OMA1: variants seen among roughly 807,000 people sequenced by gnomAD.
OMA1 encodes OMA1 zinc metallopeptidase.
In OMA1, 38 loss-of-function variants were observed where a neutral mutation model predicts 30.9. That is an observed-to-expected ratio of 1.23 (90% CI 0.95 to 1.61). OMA1 has a LOEUF of 1.61. Among genes scored for constraint, OMA1 ranks in the 40% most tolerant of loss-of-function variants. The pLI is 0.00. For synonymous variants in OMA1, 173 were observed against 121.9 expected, an observed-to-expected ratio of 1.42 and a Z score of -2.76; for missense variants, 461 against 349.2, an observed-to-expected ratio of 1.32 and a Z score of -2.55.
chr1:58,489,901 C>T (rs1645648327), intron 8 of OMA1, among the ~76,000 whole-genome samples: 1 of 152,180 alleles, frequency 6.6e-6, no homozygotes, highest in African/African-American at 2.4e-5. Context: ...AGAAGGAAAA[C>T]TAACAAACAG....
chr1:58,523,443 C>T (rs576450391), intron 7 of OMA1, among the ~76,000 whole-genome samples: 1 of 152,280 alleles, frequency 6.6e-6, no homozygotes, highest in Admixed American at 6.5e-5. Context: ...AACAACCTTT[C>T]CCTAAAGTAC....
chr1:58,530,611 T>G lies in OMA1; in HGVS notation c.1130A>C (p.Lys377Thr). The G allele has an allele frequency of 1.1e-6, 1 of 872,226 alleles. No homozygotes were observed. Among genetic ancestry groups the G allele is most frequent in the Non-Finnish European group, 2.0e-6 (1 of 501,230 alleles). 54.0% of individuals were successfully genotyped at this position (872,226 alleles called of 1,614,324 possible). A position where few individuals can be genotyped will look rare whatever the true frequency, so the allele number is the denominator to read the frequency against. The change falls in exon 6 of 9, where the codon AAA (lysine) becomes ACA (threonine). Residue 377 changes from lysine (K) to threonine (T), a missense_variant. Coordinates refer to ENST00000371226, the MANE Select transcript of OMA1 (RefSeq NM_145243.5). ...TTGTCTCAGACTTACCTCCTGCAAT[T>G]TAGACTGTATCCACTGGCACAAAAG... ...LALLCQWIQS[K>T]LQEYMFNRPY...
At chr1:58,530,312 G>A (rs1646415399) in intron 6 of OMA1, among the ~76,000 whole-genome samples, 1 of 152,154 alleles carries the variant, frequency 6.6e-6, no homozygotes, top group African/African-American at 2.4e-5. Context: ...CAGTGGCTGG[G>A]TTTTCTCTCT....
chr1:58,523,639 C>T (rs1279849053), intron 7 of OMA1, among the ~76,000 whole-genome samples: 6 of 152,270 alleles, frequency 3.9e-5, no homozygotes, highest in Admixed American at 2.6e-4. Flanking sequence ...GTGGCTCACA[C>T]CTGTAATCCC....
At chr1:58,537,062 TTCTCTCTC>T (rs150887072) in intron 2 of OMA1, among the ~76,000 whole-genome samples, 2 of 145,914 alleles carry the variant, frequency 1.4e-5, no homozygotes, top group South Asian at 2.2e-4. Flanking sequence ...ACATGCAAAA[TTCTCTCTC>T]TCTCTCTCTC....
Position 58,534,311 on chromosome 1 carries a change from A to G in OMA1, c.750T>C (p.Asn250=), listed in dbSNP as rs770654004. The change falls in exon 4 of 9, where the codon AAT becomes AAC. Residue 250 remains asparagine (N), a synonymous_variant. Coordinates refer to ENST00000371226, the MANE Select transcript of OMA1 (RefSeq NM_145243.5). ...GGGCATCTTTCTCAGTTAGCATATCATTTTTAAATTCTTCCATCCACTGAA... is the reference window on the plus strand; with the variant it reads ...GGGCATCTTTCTCAGTTAGCATATCGTTTTTAAATTCTTCCATCCACTGAA... ...EYEAWMEEFK[N]DMLTEKDARY... The G allele has an allele frequency of 3.5e-6, 3 of 854,042 alleles. No homozygotes were observed. The Admixed American group carries it at 5.6e-5, about 16-fold the overall frequency. 52.9% of individuals were successfully genotyped at this position (854,042 alleles called of 1,614,324 possible). A position where few individuals can be genotyped will look rare whatever the true frequency, so the allele number is the denominator to read the frequency against.
intron 1 of OMA1, among the ~76,000 whole-genome samples, chr1:58,544,995 G>A (rs1055881438): frequency 3.3e-5 from 5 of 152,052 alleles, no homozygotes; most frequent in Admixed American, 6.6e-5. Context: ...ACTGCACTGC[G>A]AAGTGTTGGG....
chr1:58,497,197 C>CA (rs1191864218), intron 8 of OMA1, among the ~76,000 whole-genome samples: 7 of 152,224 alleles, frequency 4.6e-5, no homozygotes, highest in African/African-American at 1.7e-4. Context: ...TATATGTACT[C>CA]ACCAATTCAA....
chr1:58,512,161 C>T (rs1320531799), intron 7 of OMA1, among the ~76,000 whole-genome samples: 1 of 152,000 alleles, frequency 6.6e-6, no homozygotes, highest in African/African-American at 2.4e-5. Context: ...TGTTCAATAT[C>T]ACTAATCATC....
At chr1:58,537,250 A>ATT (rs1646532648) in intron 2 of OMA1, among the ~76,000 whole-genome samples, 1 of 152,148 alleles carries the variant, frequency 6.6e-6, no homozygotes, top group Non-Finnish European at 1.5e-5. Flanking sequence ...AATAGGGATA[A>ATT]ATGCCTAAAT....
intron 3 of OMA1, among the ~76,000 whole-genome samples, chr1:58,534,915 C>T (rs773922497): frequency 6.6e-6 from 1 of 152,168 alleles, no homozygotes; most frequent in Admixed American, 6.5e-5. Context: ...CAACACCAAC[C>T]TGGGTGACAG....
chr1:58,529,253 C>T (rs746693437), intron 6 of OMA1, among the ~76,000 whole-genome samples: 7 of 152,154 alleles, frequency 4.6e-5, no homozygotes, highest in Non-Finnish European at 7.3e-5. Context: ...TAGATTTAAA[C>T]AGCACCCAGA....
intron 8 of OMA1, among the ~76,000 whole-genome samples, chr1:58,490,186 A>C (rs6673741): frequency 0.027 from 4,083 of 152,276 alleles, 178 homozygotes; most frequent in African/African-American, 0.092. Flanking sequence ...AGAAGTTAAA[A>C]ATCTTGAAAA....
intron 8 of OMA1, among the ~76,000 whole-genome samples, chr1:58,498,115 A>C (rs1212209500): frequency 6.6e-6 from 1 of 152,210 alleles, no homozygotes; most frequent in Admixed American, 6.5e-5. Context: ...CAGATGAAGC[A>C]AGTGTATAAA....
In OMA1 at chr1:58,506,082, T is replaced by C; in HGVS notation, c.1343A>G (p.Tyr448Cys). Residue 448 changes from tyrosine to cysteine, a missense_variant, in exon 8 of 9, where the codon TAC becomes TGC. By Grantham distance (194) the Tyr-to-Cys change is radical. Coordinates refer to ENST00000371226, the MANE Select transcript of OMA1 (RefSeq NM_145243.5). ...THPSHGNRVEYLDRLIPQALK... is the reference protein window; with the variant it reads ...THPSHGNRVECLDRLIPQALK... ...CACCTGAGGTATAAGTCTATCCAAG[T>C]ACTCAACTCGATTGCCATGAGAAGG... 2 of 871,510 alleles carry C rather than the reference T, an allele frequency of 2.3e-6. No individual in the cohort carries two copies. The highest frequency in any genetic ancestry group is 4.0e-6 in the Non-Finnish European group (2 of 500,606). The allele number at this position is 871,510 out of a possible 1,614,324, so 54.0% of individuals were successfully genotyped here.
intron 8 of OMA1, among the ~76,000 whole-genome samples, chr1:58,483,289 C>A (rs148398107): frequency 2.0e-5 from 3 of 152,230 alleles, no homozygotes; most frequent in African/African-American, 4.8e-5. Context: ...TTCCATTATT[C>A]CAGATACCCT....
chr1:58,512,696 T>C (rs1646098886), intron 7 of OMA1, among the ~76,000 whole-genome samples: 1 of 152,158 alleles, frequency 6.6e-6, no homozygotes, highest in South Asian at 2.1e-4. Context: ...GTATCTAAAG[T>C]AGCAAGCTTG....
At chr1:58,497,145 C>T (rs1415207562) in intron 8 of OMA1, among the ~76,000 whole-genome samples, 2 of 152,076 alleles carry the variant, frequency 1.3e-5, no homozygotes, top group Non-Finnish European at 2.9e-5. Flanking sequence ...AGAAATACCA[C>T]GAAGAAGCAA....
In OMA1 at chr1:58,530,976, C is replaced by A. The variant is rs1008265434; in HGVS notation, c.1012-247G>T. Among the ~76,000 whole-genome samples, 4 of 152,192 alleles carry A rather than the reference C, an allele frequency of 2.6e-5. No individual in the cohort carries two copies. In the South Asian group the frequency reaches 8.3e-4, roughly 32 times the overall value. On this transcript the variant is annotated intron_variant, in intron 5 of 8. Coordinates refer to ENST00000371226, the MANE Select transcript of OMA1 (RefSeq NM_145243.5). The stretch of plus-strand genomic sequence containing the variant: ...CTTACTATTAGTCAGAGGATATAAA[C>A]CTACAATTTCTTATATTAACAGGCA...
Sources: allele counts gnomAD v4.1 joint callset (sites outside exome capture counted in the v4.1 genomes callset), GRCh38; gene constraint gnomAD v4.1.1; transcripts MANE v1.5; gene names NCBI Gene and HGNC (gene_info 2026-07-23, HGNC 2026-07-21).